EIF3M: variants seen among roughly 807,000 people sequenced by gnomAD.
EIF3M encodes the protein B5 receptor.
Under a neutral mutation model 49.7 loss-of-function variants are expected in EIF3M, and 25 were observed. The observed-to-expected ratio is 0.50, with a 90% CI of 0.37 to 0.70. The LOEUF (loss-of-function observed/expected upper bound fraction) is 0.70. Among genes scored for constraint, EIF3M ranks in the 30% least tolerant of loss-of-function variants. The pLI is 0.00. For synonymous variants in EIF3M, 156 were observed against 149.8 expected, an observed-to-expected ratio of 1.04 and a Z score of -0.30; for missense variants, 350 against 440.0, an observed-to-expected ratio of 0.80 and a Z score of 1.83.
chr11:32,605,014 A>T lies in EIF3M; in HGVS notation c.*2615A>T, dbSNP rs1402159160. 1.3e-5 allele frequency: 2 copies of T among 151,900 alleles called. No homozygotes were observed. The highest frequency in any genetic ancestry group is 4.8e-5 in the African/African-American group (2 of 41,322). 9.4% of individuals were successfully genotyped at this position (151,900 alleles called of 1,614,324 possible). ...ATTACAGGCACCCACCACGATGCCC[A>T]GCTAATTTTTTGTATTTTTAGTAGA... is the stretch of plus-strand genomic sequence containing the variant. On this transcript the variant is annotated 3_prime_UTR_variant, in exon 11 of 11. Transcript: ENST00000531120.
At chr11:32,592,727 C>T in intron 5 of EIF3M, 1 of 504,158 alleles carries the variant, frequency 2.0e-6, no homozygotes, top group Non-Finnish European at 3.9e-6. Flanking sequence ...CACCAATAAA[C>T]AGTTTTTTTT....
chr11:32,586,155 G>A (rs113194024), intron 1 of EIF3M, among the ~76,000 whole-genome samples: 4,679 of 152,192 alleles, frequency 0.031, 89 homozygotes, highest in Non-Finnish European at 0.041. Flanking sequence ...TTTGAACCCC[G>A]GAGGCAGAGG....
intron 3 of EIF3M, 117 bp from the exon 4 acceptor site, chr11:32,588,895 T>C (rs1360152877): frequency 6.5e-7 from 1 of 1,530,610 alleles, no homozygotes; most frequent in Non-Finnish European, 8.8e-7. Flanking sequence ...CCTAGTTTCC[T>C]CCTTTGTAAT....
At chr11:32,588,012 A>G (rs866460846) in intron 2 of EIF3M, among the ~76,000 whole-genome samples, 2 of 152,254 alleles carry the variant, frequency 1.3e-5, no homozygotes, top group Non-Finnish European at 2.9e-5. Flanking sequence ...AAATCATACC[A>G]GTAACTTCCA....
In EIF3M at chr11:32,601,738, A is replaced by G. The variant is rs370165322; in HGVS notation, c.944-24A>G. The G allele has an allele frequency of 5.6e-6, 9 of 1,605,502 alleles. No individual in the cohort carries two copies. The African/African-American group carries it at 1.1e-4, about 19-fold the overall frequency. ...TTCTTGGAAATTTTCCATATAACAT[A>G]CGATATAAAACATCTTTTTTCAGCC... On this transcript the variant is annotated intron_variant, in intron 9 of 10. Coordinates refer to ENST00000531120, the MANE Select transcript of EIF3M (RefSeq NM_006360.6).
intron 5 of EIF3M, among the ~76,000 whole-genome samples, chr11:32,590,315 T>C (rs1157010673): frequency 6.6e-6 from 1 of 152,222 alleles, no homozygotes; most frequent in Non-Finnish European, 1.5e-5. Context: ...GCCAAGAGTT[T>C]AGTTACAACA....
At position 32,603,822 on chromosome 11, in the gene EIF3M, C is replaced by T. The variant is rs1230331574; in HGVS notation, c.*1423C>T. 1 of 152,268 alleles carries T rather than the reference C, an allele frequency of 6.6e-6. No individual in the cohort carries two copies. Among genetic ancestry groups the T allele is most frequent in the African/African-American group, 2.4e-5 (1 of 41,432 alleles). The allele number at this position is 152,268 out of a possible 1,614,324, so 9.4% of individuals were successfully genotyped here. On this transcript the variant is annotated 3_prime_UTR_variant, in exon 11 of 11. Coordinates refer to ENST00000531120, the MANE Select transcript of EIF3M (RefSeq NM_006360.6). ...AGGCACTGTGACTCATACCTGTAAT[C>T]CCAGCACTTTGGGAAACTGAGGCGA...
At chr11:32,585,249 A>G (rs551753492) in intron 1 of EIF3M, among the ~76,000 whole-genome samples, 5 of 152,322 alleles carry the variant, frequency 3.3e-5, no homozygotes, top group Admixed American at 3.3e-4. Flanking sequence ...AAATGGAAGC[A>G]TGTTACCAAC....
chr11:32,584,807 T>G (rs1353731857), intron 1 of EIF3M, among the ~76,000 whole-genome samples: 1 of 152,162 alleles, frequency 6.6e-6, no homozygotes, highest in African/African-American at 2.4e-5. Flanking sequence ...TATTTTTAAA[T>G]TTCCCGTTTG....
At chr11:32,587,933 C>T (rs917834236) in intron 2 of EIF3M, among the ~76,000 whole-genome samples, 42 of 152,206 alleles carry the variant, frequency 2.8e-4, no homozygotes, top group African/African-American at 9.6e-4. Flanking sequence ...AGAGAGCTGA[C>T]AGCTTTAATT....
chr11:32,596,513 T>C (rs563561502), intron 8 of EIF3M, among the ~76,000 whole-genome samples: 1 of 150,118 alleles, frequency 6.7e-6, no homozygotes, highest in South Asian at 2.1e-4. Flanking sequence ...GAGAATAGCT[T>C]GAACCCGGGA....
At chr11:32,591,867 G>T in intron 5 of EIF3M, 1 of 246,314 alleles carries the variant, frequency 4.1e-6, no homozygotes, top group South Asian at 5.8e-5. Flanking sequence ...TTCATGCATG[G>T]GTCCATAATT....
At chr11:32,593,469 C>T (rs1855132920) in intron 5 of EIF3M, among the ~76,000 whole-genome samples, 1 of 152,158 alleles carries the variant, frequency 6.6e-6, no homozygotes. Context: ...GGTTTTCCCT[C>T]TGCTTGGAAA....
intron 7 of EIF3M, 23 bp from the exon 8 acceptor site, chr11:32,595,942 CT>C: frequency 1.3e-6 from 2 of 1,501,262 alleles, no homozygotes; most frequent in South Asian, 1.2e-5. Context: ...TTGATGGTAT[CT>C]TTTTTGTCTC....
Position 32,603,031 on chromosome 11 carries a change from T to C in EIF3M, c.*632T>C, listed in dbSNP as rs567694150. On this transcript the variant is annotated 3_prime_UTR_variant, in exon 11 of 11. Transcript: ENST00000531120. Reference sequence around the variant, plus strand: ...AGGCTTTGTTTTCACCTGGGAAAGATAAACTAATTTTACCTTCGAAATTAT... The same window carrying C: ...AGGCTTTGTTTTCACCTGGGAAAGACAAACTAATTTTACCTTCGAAATTAT... 1.3e-6 allele frequency: 2 copies of C among 1,576,416 alleles called. No homozygotes were observed. The highest frequency in any genetic ancestry group is 1.4e-5 in the African/African-American group (1 of 72,682).
chr11:32,587,394 G>T (rs886868200), intron 2 of EIF3M, among the ~76,000 whole-genome samples: 2 of 152,104 alleles, frequency 1.3e-5, no homozygotes, highest in African/African-American at 4.8e-5. Context: ...ATCAAATCAG[G>T]GTAATTGGAA....
chr11:32,592,726 A>T (rs1437994996), intron 5 of EIF3M: 1 of 504,116 alleles, frequency 2.0e-6, no homozygotes, highest in Non-Finnish European at 3.9e-6. Flanking sequence ...CCACCAATAA[A>T]CAGTTTTTTT....
At chr11:32,591,011 G>A (rs902142931) in intron 5 of EIF3M, among the ~76,000 whole-genome samples, 7 of 151,990 alleles carry the variant, frequency 4.6e-5, no homozygotes, top group East Asian at 1.9e-4. Context: ...CGCCACGCCC[G>A]GCTAATTTTT....
rs118109062 is a variant in EIF3M at position 32,589,041 on chromosome 11, A to G, written c.344A>G (p.Lys115Arg). The change falls in exon 4 of 11, where the codon AAG becomes AGG. Residue 115 changes from lysine (K) to arginine (R), a missense_variant. By Grantham distance (26) the Lys-to-Arg change is conservative. Coordinates refer to ENST00000531120, the MANE Select transcript of EIF3M (RefSeq NM_006360.6). ...LLSNLFHGMD[K>R]NTPVRYTVYC... ...AGCAACCTTTTCCACGGGATGGATA[A>G]GAATACTCCTGTAAGATACACAGTG... 6.2e-6 allele frequency: 10 copies of G among 1,614,198 alleles called. No individual in the cohort carries two copies. In the East Asian group the frequency reaches 2.2e-4, roughly 36 times the overall value.
Sources: gnomAD v4.1 joint callset for allele counts (sites outside exome capture counted in the v4.1 genomes callset) on GRCh38, gnomAD v4.1.1 for gene constraint, MANE v1.5 for transcripts, NCBI Gene and HGNC (gene_info 2026-07-23, HGNC 2026-07-21) for gene names.